NIBAN1: variants seen among roughly 807,000 people sequenced by gnomAD.
NIBAN1 encodes the protein protein Niban 1.
Under a neutral mutation model 75.1 loss-of-function variants are expected in NIBAN1, and 81 were observed. The ratio of observed to expected loss-of-function variants is 1.08; its 90% confidence interval spans 0.90 to 1.30. NIBAN1 has a LOEUF of 1.30. Among genes scored for constraint, NIBAN1 ranks in the 50% most tolerant of loss-of-function variants. NIBAN1 has a pLI of 0.00. For synonymous variants in NIBAN1, 436 were observed against 424.8 expected, an observed-to-expected ratio of 1.03 and a Z score of -0.32; for missense variants, 1,133 against 1,128.1, an observed-to-expected ratio of 1.00 and a Z score of -0.06.
intron 1 of NIBAN1, among the ~76,000 whole-genome samples, chr1:184,945,110 T>G (rs1170308338): frequency 6.6e-6 from 1 of 152,194 alleles, no homozygotes; most frequent in African/African-American, 2.4e-5. Flanking sequence ...ACGAAACAGT[T>G]ATGATGGGAA....
intron 1 of NIBAN1, among the ~76,000 whole-genome samples, chr1:184,914,841 G>A (rs12137668): frequency 1.3e-5 from 2 of 151,630 alleles, no homozygotes; most frequent in Non-Finnish European, 2.9e-5. Flanking sequence ...TCCTGCCTCA[G>A]CCTCCTGAGT....
At chr1:184,956,677 C>T (rs886945445) in intron 1 of NIBAN1, among the ~76,000 whole-genome samples, 2 of 152,136 alleles carry the variant, frequency 1.3e-5, no homozygotes, top group African/African-American at 4.8e-5. Context: ...TTGATAACTA[C>T]AGTTCAATAA....
At chr1:184,818,445 G>T (rs1460973379) in intron 9 of NIBAN1, among the ~76,000 whole-genome samples, 193 bp downstream of exon 9, 3 of 152,062 alleles carry the variant, frequency 2.0e-5, no homozygotes, top group Admixed American at 1.3e-4. Flanking sequence ...CTATCAGATG[G>T]GTGGATGGAT....
intron 1 of NIBAN1, among the ~76,000 whole-genome samples, chr1:184,971,117 C>G (rs572902409): frequency 2.8e-4 from 42 of 151,742 alleles, no homozygotes; most frequent in Admixed American, 2.8e-3. Flanking sequence ...AAAATCCCAT[C>G]TCTACAAAAA....
chr1:184,802,756 C>T (rs181653243), intron 12 of NIBAN1, among the ~76,000 whole-genome samples: 49 of 152,232 alleles, frequency 3.2e-4, no homozygotes, highest in Admixed American at 2.9e-3. Context: ...CGGAGCAGGC[C>T]TTGCTTCAGG....
At chr1:184,917,156 T>C (rs1352737998) in intron 1 of NIBAN1, among the ~76,000 whole-genome samples, 1 of 151,938 alleles carries the variant, frequency 6.6e-6, no homozygotes, top group Non-Finnish European at 1.5e-5. Flanking sequence ...GCTGGACTCA[T>C]TGCTGTTCAG....
chr1:184,811,193 A>G (rs768743607), intron 9 of NIBAN1, among the ~76,000 whole-genome samples: 1 of 152,216 alleles, frequency 6.6e-6, no homozygotes, highest in Non-Finnish European at 1.5e-5. Context: ...GGTAGTAAGC[A>G]GTAATATTGC....
At chr1:184,805,700 G>A (rs185562714) in intron 11 of NIBAN1, among the ~76,000 whole-genome samples, 21 of 152,302 alleles carry the variant, frequency 1.4e-4, no homozygotes, top group African/African-American at 4.8e-4. Context: ...TCTCTATGAA[G>A]GCTGGGACGC....
chr1:184,914,252 A>G (rs2102009299), intron 1 of NIBAN1, among the ~76,000 whole-genome samples: 1 of 152,328 alleles, frequency 6.6e-6, no homozygotes, highest in East Asian at 1.9e-4. Flanking sequence ...TCTAGAAAAC[A>G]TTTTGCAGAT....
intron 13 of NIBAN1, 52 bp from the exon 14 acceptor site, chr1:184,796,149 A>G (rs1653859253): frequency 6.7e-7 from 1 of 1,483,368 alleles, no homozygotes; most frequent in African/African-American, 1.4e-5. Flanking sequence ...TTGAGAAGCC[A>G]AAGTCCCCTT....
chr1:184,810,062 C>A (rs771799614), intron 9 of NIBAN1, among the ~76,000 whole-genome samples: 1 of 151,842 alleles, frequency 6.6e-6, no homozygotes, highest in Non-Finnish European at 1.5e-5. Context: ...AGAGTGAAGA[C>A]AAGTAAAACA....
chr1:184,826,156 A>G (rs1364584748), intron 6 of NIBAN1, among the ~76,000 whole-genome samples: 2 of 152,148 alleles, frequency 1.3e-5, no homozygotes, highest in Non-Finnish European at 2.9e-5. Flanking sequence ...GAAGGTGCTT[A>G]GCTCTGGGCA....
intron 1 of NIBAN1, among the ~76,000 whole-genome samples, chr1:184,956,203 T>G (rs1290875103): frequency 6.6e-6 from 1 of 152,054 alleles, no homozygotes; most frequent in Non-Finnish European, 1.5e-5. Flanking sequence ...TCATTTTTGT[T>G]TTTTGTAGAG....
chr1:184,856,352 G>T (rs1655675623), intron 5 of NIBAN1, among the ~76,000 whole-genome samples: 1 of 151,952 alleles, frequency 6.6e-6, no homozygotes, highest in African/African-American at 2.4e-5. Context: ...TTTTTGATCG[G>T]TATTTTCTCC....
chr1:184,843,440 T>A (rs1655350117), intron 5 of NIBAN1, among the ~76,000 whole-genome samples: 1 of 152,108 alleles, frequency 6.6e-6, no homozygotes, highest in Non-Finnish European at 1.5e-5. Flanking sequence ...CATCAGACAC[T>A]TTCCCCCCCG....
intron 5 of NIBAN1, among the ~76,000 whole-genome samples, chr1:184,856,655 T>C (rs1306903565): frequency 6.6e-6 from 1 of 152,230 alleles, no homozygotes; most frequent in Admixed American, 6.5e-5. Context: ...ATTCTATGTA[T>C]GAGTCACTGT....
intron 3 of NIBAN1, among the ~76,000 whole-genome samples, chr1:184,890,487 G>A (rs1211717838): frequency 3.9e-5 from 6 of 152,118 alleles, no homozygotes; most frequent in Admixed American, 2.0e-4. Flanking sequence ...GTATGTTCTC[G>A]AATGTGGAAA....
At chr1:184,941,207 C>T (rs1044359037) in intron 1 of NIBAN1, among the ~76,000 whole-genome samples, 2 of 152,192 alleles carry the variant, frequency 1.3e-5, no homozygotes, top group Admixed American at 6.5e-5. Context: ...TCCTTTCCCT[C>T]TCAACTCTAA....
At chr1:184,839,510 T>G (rs1655224290) in intron 5 of NIBAN1, among the ~76,000 whole-genome samples, 1 of 152,028 alleles carries the variant, frequency 6.6e-6, no homozygotes, top group East Asian at 1.9e-4. Flanking sequence ...CAGTCCAACA[T>G]TTTTATTCAG....
Sources: allele counts gnomAD v4.1 joint callset (sites outside exome capture counted in the v4.1 genomes callset), GRCh38; gene constraint gnomAD v4.1.1; transcripts MANE v1.5; gene names NCBI Gene and HGNC (gene_info 2026-07-23, HGNC 2026-07-21).